PDLIM5: variants seen among roughly 807,000 people sequenced by gnomAD.
PDLIM5 encodes PDZ and LIM domain protein 5.
Under a neutral mutation model 64.2 loss-of-function variants are expected in PDLIM5, and 34 were observed. That is an observed-to-expected ratio of 0.53 (90% confidence interval 0.40 to 0.71). The LOEUF (loss-of-function observed/expected upper bound fraction) is 0.71. PDLIM5 is among the 30% of genes least tolerant of loss of function. PDLIM5 has a pLI of 0.00. For missense variants in PDLIM5, 683 were observed against 733.6 expected (o/e 0.93, Z 0.80); for synonymous variants, 253 against 269.1 (o/e 0.94, Z 0.59).
Position 94,661,693 on chromosome 4 carries a change from T to A in PDLIM5, c.1586-729T>A, listed in dbSNP as rs188024165. Among the ~76,000 whole-genome samples, 283 of 152,358 alleles carry A rather than the reference T, an allele frequency of 1.9e-3. 2 individuals carry two copies. Among genetic ancestry groups the A allele is most frequent in the African/African-American group, 6.6e-3 (274 of 41,578 alleles). On this transcript the variant is annotated intron_variant, in intron 11 of 12. Transcript: ENST00000317968. ...TCTTCCTTGACCAAGTCAGATACGC[T>A]ATGAAATTTGCCAATATCAGATTTT...
chr4:94,579,545 TC>T, intron 5 of PDLIM5: 1 of 1,364,020 alleles, frequency 7.3e-7, no homozygotes, highest in Middle Eastern at 1.9e-4. Flanking sequence ...AAAGTTAGTA[TC>T]CACATTACTG....
At chr4:94,593,859 G>A (rs1250965981) in intron 7 of PDLIM5, among the ~76,000 whole-genome samples, 2 of 152,032 alleles carry the variant, frequency 1.3e-5, no homozygotes, top group Non-Finnish European at 2.9e-5. Flanking sequence ...CTCTCTTTTG[G>A]TGCTTCCTTT....
rs1441025048 is a variant in PDLIM5, at chr4:94,585,569, C to T, written c.715C>T (p.Pro239Ser). ...TTTTTTTCTCCTTAACCCTAGCCCA[C>T]CAAGAAAACACATTGTGGAGCGCTA... is the stretch of plus-strand genomic sequence containing the variant. ...QGDSKQQNGP[P>S]RKHIVERYTE... The change falls in exon 6 of 13, where the codon CCA (proline) becomes TCA (serine). Residue 239 changes from proline to serine, a missense_variant. By Grantham distance (74) the Pro-to-Ser change is moderately conservative (BLOSUM62 -1). Coordinates refer to ENST00000317968, the MANE Select transcript of PDLIM5 (RefSeq NM_006457.5). The T allele has an allele frequency of 1.3e-6, 2 of 1,580,332 alleles. No individual in the cohort carries two copies. The highest frequency in any genetic ancestry group is 1.7e-6 in the Non-Finnish European group (2 of 1,159,542).
intron 3 of PDLIM5, among the ~76,000 whole-genome samples, chr4:94,538,682 A>G (rs1344094738): frequency 2.0e-5 from 3 of 152,342 alleles, no homozygotes; most frequent in Middle Eastern, 3.4e-3. Flanking sequence ...TACCATAACT[A>G]TTAAAGAAAC....
chr4:94,612,452 G>A (rs1738446329), intron 7 of PDLIM5, among the ~76,000 whole-genome samples: 1 of 152,104 alleles, frequency 6.6e-6, no homozygotes, highest in African/African-American at 2.4e-5. Context: ...CATGCTTAGA[G>A]TACACTTTGA....
intron 7 of PDLIM5, among the ~76,000 whole-genome samples, chr4:94,609,654 C>T (rs76160719): frequency 1.3e-5 from 2 of 152,124 alleles, no homozygotes; most frequent in Admixed American, 6.5e-5. Context: ...ATATATTGCT[C>T]CTTCTTGATA....
intron 8 of PDLIM5, among the ~76,000 whole-genome samples, chr4:94,639,784 T>C (rs7662914): frequency 1 from 151,625 of 152,348 alleles, 75,455 homozygotes; most frequent in East Asian, 1. Flanking sequence ...AACCATGTCT[T>C]CTCGTAGAAG....
chr4:94,628,398 A>G (rs1157025235), intron 8 of PDLIM5, among the ~76,000 whole-genome samples: 3 of 152,220 alleles, frequency 2.0e-5, no homozygotes, highest in African/African-American at 7.2e-5. Context: ...ATTGAGAGAT[A>G]TCTTAGAGAA....
At chr4:94,637,872 C>T (rs1246806647) in intron 8 of PDLIM5, among the ~76,000 whole-genome samples, 1 of 152,048 alleles carries the variant, frequency 6.6e-6, no homozygotes, top group Admixed American at 6.6e-5. Flanking sequence ...TTGCAATAGT[C>T]CAGATTTGAG....
At chr4:94,470,160 T>C (rs946523996) in intron 2 of PDLIM5, among the ~76,000 whole-genome samples, 3 of 151,970 alleles carry the variant, frequency 2.0e-5, no homozygotes, top group African/African-American at 7.3e-5. Context: ...TAGAGAGGTT[T>C]TCACCATGTT....
intron 2 of PDLIM5, among the ~76,000 whole-genome samples, chr4:94,490,871 T>C (rs1164370315): frequency 6.6e-6 from 1 of 152,202 alleles, no homozygotes; most frequent in Admixed American, 6.5e-5. Flanking sequence ...ATAGGAGTGC[T>C]TTCTTAATAT....
chr4:94,576,309 C>T (rs1300583383), intron 5 of PDLIM5, among the ~76,000 whole-genome samples: 1 of 152,204 alleles, frequency 6.6e-6, no homozygotes, highest in Non-Finnish European at 1.5e-5. Flanking sequence ...CAGCATTGAG[C>T]AGCTGGCACT....
intron 2 of PDLIM5, among the ~76,000 whole-genome samples, chr4:94,496,517 T>C (rs1727411653): frequency 6.6e-6 from 1 of 152,070 alleles, no homozygotes; most frequent in Admixed American, 6.6e-5. Context: ...AGAGACACAG[T>C]CTCAGTCTGT....
chr4:94,537,554 A>C (rs1185509617), intron 3 of PDLIM5, among the ~76,000 whole-genome samples: 2 of 152,168 alleles, frequency 1.3e-5, no homozygotes, highest in African/African-American at 4.8e-5. Context: ...ATATGAGAGA[A>C]AAAGTGTTCA....
At chr4:94,517,607 G>A (rs1729475496) in intron 2 of PDLIM5, among the ~76,000 whole-genome samples, 1 of 152,130 alleles carries the variant, frequency 6.6e-6, no homozygotes, top group East Asian at 1.9e-4. Context: ...GGTTCCCAGG[G>A]TTTTTGGACA....
intron 9 of PDLIM5, among the ~76,000 whole-genome samples, chr4:94,648,283 C>T (rs60195134): frequency 0.37 from 55,399 of 151,766 alleles, 11,118 homozygotes; most frequent in South Asian, 0.61. Context: ...AAAAAGAAGA[C>T]TCAAATTACT....
chr4:94,593,201 T>C (rs953701346), intron 7 of PDLIM5, among the ~76,000 whole-genome samples: 4 of 152,204 alleles, frequency 2.6e-5, no homozygotes, highest in Non-Finnish European at 5.9e-5. Flanking sequence ...TGGATGCAAC[T>C]GTAGCTGCAA....
At chr4:94,463,469 A>G (rs1054949479) in intron 2 of PDLIM5, among the ~76,000 whole-genome samples, 1 of 152,346 alleles carries the variant, frequency 6.6e-6, no homozygotes, top group Admixed American at 6.5e-5. Flanking sequence ...GGAAGAGAAA[A>G]TATATTTACT....
chr4:94,631,282 A>C (rs988396086), intron 8 of PDLIM5, among the ~76,000 whole-genome samples: 4 of 152,060 alleles, frequency 2.6e-5, no homozygotes, highest in African/African-American at 4.8e-5. Context: ...TTTATCCTTA[A>C]GTTTTATTTC....
Sources: gnomAD v4.1 joint callset for allele counts (sites outside exome capture counted in the v4.1 genomes callset) on GRCh38, gnomAD v4.1.1 for gene constraint, MANE v1.5 for transcripts, NCBI Gene and HGNC (gene_info 2026-07-23, HGNC 2026-07-21) for gene names.